NETO1: variants seen among roughly 807,000 people sequenced by gnomAD.
The protein encoded by NETO1 is neuropilin and tolloid-like protein 1.
A neutral mutation model predicts 61.3 loss-of-function variants in NETO1; 26 were observed. That is an observed-to-expected ratio of 0.42 (90% CI 0.31 to 0.59). The LOEUF (loss-of-function observed/expected upper bound fraction) is 0.59. Ranked by LOEUF, NETO1 falls within the 20% of genes least tolerant of loss-of-function variation. The probability of loss-of-function intolerance (pLI) is 0.12; values close to 1 mark genes in which losing one functional copy is unlikely to be tolerated. For synonymous variants in NETO1, 225 were observed against 225.8 expected, an observed-to-expected ratio of 1.00 and a Z score of 0.03; for missense variants, 531 against 662.8, an observed-to-expected ratio of 0.80 and a Z score of 2.18.
At chr18:72,761,649 G>A (rs1465505155) in intron 7 of NETO1, among the ~76,000 whole-genome samples, 3 of 152,160 alleles carry the variant, frequency 2.0e-5, no homozygotes, top group African/African-American at 4.8e-5. Context: ...TAAATGATCC[G>A]ATAGAATTGA....
rs186120752 is a variant in NETO1 at position 72,813,958 on chromosome 18, A to T, written c.470-19554T>A. On this transcript the variant is annotated intron_variant, in intron 4 of 10. Coordinates refer to ENST00000327305, the MANE Select transcript of NETO1 (RefSeq NM_138966.5). ...CACACTCATGAAAGGAGTGGTAATTAGGTTGATACCTGATTTCAGTGGCAC... is the reference window on the plus strand; with the variant it reads ...CACACTCATGAAAGGAGTGGTAATTTGGTTGATACCTGATTTCAGTGGCAC... 2.6e-5 allele frequency among the ~76,000 whole-genome samples: 4 copies of T among 152,284 alleles called. No homozygotes were observed. In the East Asian group the frequency reaches 7.7e-4, roughly 29 times the overall value.
chr18:72,763,132 G>A (rs907950776), intron 7 of NETO1, among the ~76,000 whole-genome samples: 9 of 146,524 alleles, frequency 6.1e-5, no homozygotes, highest in African/African-American at 1.5e-4. Flanking sequence ...ATTAGATTTC[G>A]TTTTTTTTTT....
intron 4 of NETO1, among the ~76,000 whole-genome samples, chr18:72,811,341 G>A (rs1181873362): frequency 6.6e-6 from 1 of 152,144 alleles, no homozygotes; most frequent in Non-Finnish European, 1.5e-5. Context: ...TACACAGACA[G>A]CCTCCTCTCA....
At chr18:72,798,590 T>A (rs1052989047) in intron 4 of NETO1, among the ~76,000 whole-genome samples, 3 of 152,170 alleles carry the variant, frequency 2.0e-5, no homozygotes, top group Non-Finnish European at 2.9e-5. Context: ...TTAGTCCGCA[T>A]GTGACACACC....
intron 6 of NETO1, among the ~76,000 whole-genome samples, chr18:72,790,670 T>C (rs569827955): frequency 5.2e-4 from 79 of 152,244 alleles, no homozygotes; most frequent in African/African-American, 1.7e-3. Context: ...TTAACAGCTA[T>C]TTCTCTAGTT....
At chr18:72,835,279 G>C (rs374426971) in intron 4 of NETO1, 2 of 1,579,034 alleles carry the variant, frequency 1.3e-6, no homozygotes, top group Non-Finnish European at 1.7e-6. Context: ...GAGAGATCAC[G>C]AAACACTCTG....
intron 3 of NETO1, among the ~76,000 whole-genome samples, chr18:72,862,722 G>A (rs919355201): frequency 6.7e-6 from 1 of 149,872 alleles, no homozygotes; most frequent in Non-Finnish European, 1.5e-5. Flanking sequence ...CCGGGTTCAC[G>A]CCATTCTCCT....
intron 4 of NETO1, among the ~76,000 whole-genome samples, chr18:72,852,308 G>A (rs2074275079): frequency 6.6e-6 from 1 of 152,082 alleles, no homozygotes; most frequent in Non-Finnish European, 1.5e-5. Context: ...TCCGCCTCCT[G>A]GGTTCAAGTG....
chr18:72,838,877 C>A (rs2073836667), intron 4 of NETO1, among the ~76,000 whole-genome samples: 1 of 152,108 alleles, frequency 6.6e-6, no homozygotes, highest in South Asian at 2.1e-4. Context: ...TTACCTATTT[C>A]TCTCAACCGT....
intron 4 of NETO1, among the ~76,000 whole-genome samples, chr18:72,803,760 G>C (rs1391639014): frequency 6.6e-6 from 1 of 151,506 alleles, no homozygotes; most frequent in Non-Finnish European, 1.5e-5. Context: ...GGTTGAGGTT[G>C]CAGTCAGCCG....
chr18:72,780,622 T>C (rs2071704176), intron 7 of NETO1, among the ~76,000 whole-genome samples: 1 of 152,156 alleles, frequency 6.6e-6, no homozygotes, highest in Non-Finnish European at 1.5e-5. Context: ...CATCTATCCA[T>C]ATTTTATATC....
intron 3 of NETO1, 91 bp from the exon 4 acceptor site, chr18:72,859,165 C>T: frequency 7.8e-7 from 1 of 1,285,672 alleles, no homozygotes; most frequent in East Asian, 2.4e-5. Context: ...ATTTGTACAT[C>T]TTCTCTCAAA....
At chr18:72,867,232 G>A in intron 1 of NETO1, 32 bp downstream of exon 1, 1 of 1,526,412 alleles carries the variant, frequency 6.6e-7, no homozygotes, top group Non-Finnish European at 8.8e-7. Flanking sequence ...CTGGCTCCGG[G>A]AGCGCACGGG....
intron 4 of NETO1, chr18:72,835,229 T>C: frequency 2.0e-6 from 3 of 1,495,800 alleles, no homozygotes; most frequent in Admixed American, 3.6e-5. Flanking sequence ...AGATCAACGT[T>C]CTGGGCACCA....
chr18:72,756,315 C>T (rs564905518), intron 7 of NETO1, among the ~76,000 whole-genome samples, 168 bp from the exon 8 acceptor site: 1 of 152,166 alleles, frequency 6.6e-6, no homozygotes, highest in African/African-American at 2.4e-5. Flanking sequence ...GTAATTATTT[C>T]TTGTGTTACT....
rs1315821904 is a variant in NETO1, at chr18:72,746,116, T to C, written c.*2063A>G. Among the ~76,000 whole-genome samples, 1 of 152,156 alleles carries C rather than the reference T, an allele frequency of 6.6e-6. No individual in the cohort carries two copies. The highest frequency in any genetic ancestry group is 1.5e-5 in the Non-Finnish European group (1 of 68,024). On this transcript the variant is annotated 3_prime_UTR_variant, in exon 11 of 11. Coordinates refer to ENST00000327305, the MANE Select transcript of NETO1 (RefSeq NM_138966.5). ...AGGGGACGGACATGCCGGACAGTTA[T>C]AGAACAAATTAATAGTAAAATGTTC...
At chr18:72,785,309 A>T (rs1471684510) in intron 6 of NETO1, among the ~76,000 whole-genome samples, 1 of 152,152 alleles carries the variant, frequency 6.6e-6, no homozygotes, top group Non-Finnish European at 1.5e-5. Context: ...GTGAAAATGT[A>T]TCTCTTGTCC....
intron 7 of NETO1, among the ~76,000 whole-genome samples, chr18:72,782,107 TTC>T (rs2071762034): frequency 6.6e-6 from 1 of 152,178 alleles, no homozygotes; most frequent in South Asian, 2.1e-4. Context: ...GTATTTGATT[TTC>T]TGTTACTATA....
chr18:72,807,548 A>G (rs2072713629), intron 4 of NETO1, among the ~76,000 whole-genome samples: 1 of 152,194 alleles, frequency 6.6e-6, no homozygotes, highest in Non-Finnish European at 1.5e-5. Flanking sequence ...CACATTAAGT[A>G]GGCTTTTACA....
Sources: gnomAD v4.1 joint callset for allele counts (sites outside exome capture counted in the v4.1 genomes callset) on GRCh38, gnomAD v4.1.1 for gene constraint, MANE v1.5 for transcripts, NCBI Gene and HGNC (gene_info 2026-07-23, HGNC 2026-07-21) for gene names.